OSBPL10: variants seen among roughly 807,000 people sequenced by gnomAD.
The protein encoded by OSBPL10 is oxysterol-binding protein-related protein 10.
Under a neutral mutation model 81.7 loss-of-function variants are expected in OSBPL10, and 49 were observed. The ratio of observed to expected loss-of-function variants is 0.60; its 90% CI spans 0.48 to 0.76. OSBPL10 has a LOEUF of 0.76. Among genes scored for constraint, OSBPL10 ranks in the 30% least tolerant of loss-of-function variants. The probability of loss-of-function intolerance (pLI) is 0.00; values close to 1 mark genes in which losing one functional copy is unlikely to be tolerated. For missense variants in OSBPL10, 923 were observed against 987.8 expected (o/e 0.93, Z 0.88); for synonymous variants, 419 against 383.6 (o/e 1.09, Z -1.08).
At chr3:32,067,611 C>T (rs952708006) in intron 1 of OSBPL10, among the ~76,000 whole-genome samples, 1 of 152,076 alleles carries the variant, frequency 6.6e-6, no homozygotes, top group African/African-American at 2.4e-5. Flanking sequence ...TTTGTTTCTG[C>T]CCCACCCTAA....
chr3:32,034,204 C>T (rs748989357), intron 2 of OSBPL10, among the ~76,000 whole-genome samples: 3 of 151,864 alleles, frequency 2.0e-5, no homozygotes, highest in African/African-American at 7.3e-5. Flanking sequence ...GTAGGGATTA[C>T]GGGGATTACA....
chr3:31,966,813 C>T (rs560392572), intron 1 of OSBPL10, among the ~76,000 whole-genome samples: 3 of 152,126 alleles, frequency 2.0e-5, no homozygotes, highest in African/African-American at 4.8e-5. Context: ...TTACTAAACA[C>T]GATATCTGGA....
chr3:31,727,125 A>G (rs79900978), intron 6 of OSBPL10, among the ~76,000 whole-genome samples: 14,796 of 152,032 alleles, frequency 0.097, 1,783 homozygotes, highest in African/African-American at 0.29. Flanking sequence ...AAGCCACCAT[A>G]CCCAGGCTTA....
chr3:32,020,098 A>G (rs886679547), intron 2 of OSBPL10, among the ~76,000 whole-genome samples: 5 of 152,210 alleles, frequency 3.3e-5, no homozygotes, highest in African/African-American at 1.2e-4. Flanking sequence ...TTGTTCTGAT[A>G]GTGAATTTTC....
At chr3:31,974,840 T>C (rs1698651989) in intron 1 of OSBPL10, among the ~76,000 whole-genome samples, 1 of 152,246 alleles carries the variant, frequency 6.6e-6, no homozygotes, top group Non-Finnish European at 1.5e-5. Flanking sequence ...ATATGATTTG[T>C]GTACTTTTCT....
rs1047992404 is a variant in OSBPL10, at chr3:31,664,114, G to C, written c.2215C>G (p.Arg739Gly). The C allele has an allele frequency of 1.5e-5, 24 of 1,613,986 alleles. No homozygotes were observed. The highest frequency in any genetic ancestry group is 2.0e-5 in the Non-Finnish European group (24 of 1,180,000). The change falls in exon 11 of 12, where the codon CGC (arginine) becomes GGC (glycine). Residue 739 changes from arginine (R) to glycine (G), a missense_variant. Physicochemically the swap from Arg to Gly is moderately radical, Grantham distance 125 (BLOSUM62 -2). This residue lies in a region of OSBPL10 where 387 missense variants were observed against 436.3 expected (regional missense o/e 0.89). Transcript: ENST00000396556. ...RVEERKRENL[R>G]TPWKPKYFIQ... is the part of the protein sequence containing the mutation. ...AAATATTTGGGCTTCCATGGTGTGCGGAGGTTCTCGCGCTTCCGTTCCTCC... is the reference window on the plus strand; with the variant it reads ...AAATATTTGGGCTTCCATGGTGTGCCGAGGTTCTCGCGCTTCCGTTCCTCC...
chr3:31,713,022 C>T (rs952832700), intron 6 of OSBPL10, among the ~76,000 whole-genome samples: 6 of 152,210 alleles, frequency 3.9e-5, no homozygotes, highest in Non-Finnish European at 7.3e-5. Flanking sequence ...CTGGCAAAGC[C>T]ACCGTCACCT....
intron 4 of OSBPL10, among the ~76,000 whole-genome samples, chr3:31,763,352 C>T (rs1450480049): frequency 6.6e-6 from 1 of 152,150 alleles, no homozygotes; most frequent in African/African-American, 2.4e-5. Flanking sequence ...TTTTCTCTGG[C>T]AGAACGTAAC....
At chr3:31,722,124 T>C (rs60851727) in intron 6 of OSBPL10, among the ~76,000 whole-genome samples, 13,183 of 150,956 alleles carry the variant, frequency 0.087, 1,372 homozygotes, top group African/African-American at 0.26. Flanking sequence ...TGCCACCCCC[T>C]CAAAATACCC....
chr3:31,835,481 C>T lies in OSBPL10; in HGVS notation c.538-5250G>A, dbSNP rs148558201. Among the ~76,000 whole-genome samples, 368 of 152,266 alleles carry T rather than the reference C, an allele frequency of 2.4e-3. 2 individuals are homozygous for T. The highest frequency in any genetic ancestry group is 8.2e-3 in the African/African-American group (341 of 41,572). ...AAGGGGGTTTAAGATTTCAAATAGA[C>T]ATTTGACACAACCACTTCTACTGTA... is the stretch of plus-strand genomic sequence containing the variant. On this transcript the variant is annotated intron_variant, in intron 3 of 11. Coordinates refer to ENST00000396556, the MANE Select transcript of OSBPL10 (RefSeq NM_017784.5).
At chr3:31,849,982 C>G (rs2125573935) in intron 3 of OSBPL10, among the ~76,000 whole-genome samples, 1 of 152,214 alleles carries the variant, frequency 6.6e-6, no homozygotes, top group African/African-American at 2.4e-5. Context: ...CTGGCCAACA[C>G]AGTGAAACCC....
chr3:31,945,077 G>A (rs1257685758), intron 1 of OSBPL10, among the ~76,000 whole-genome samples: 1 of 150,164 alleles, frequency 6.7e-6, no homozygotes, highest in East Asian at 1.9e-4. Context: ...CTTGAACCTG[G>A]GAGGCAGAGG....
chr3:32,026,073 A>AGAT (rs1458531016), intron 2 of OSBPL10, among the ~76,000 whole-genome samples: 25 of 102,564 alleles, frequency 2.4e-4, no homozygotes, highest in Non-Finnish European at 4.6e-4. Context: ...ATAGATAGAT[A>AGAT]GATAGATAGA....
At chr3:31,872,679 T>C (rs1701361163) in intron 3 of OSBPL10, among the ~76,000 whole-genome samples, 1 of 148,622 alleles carries the variant, frequency 6.7e-6, no homozygotes, top group African/African-American at 2.5e-5. Context: ...TGGAGTACAG[T>C]GGTGCAATCT....
intron 1 of OSBPL10, among the ~76,000 whole-genome samples, chr3:31,940,025 C>T (rs1697491018): frequency 6.6e-6 from 1 of 152,162 alleles, no homozygotes; most frequent in Non-Finnish European, 1.5e-5. Flanking sequence ...CCAGCCCACT[C>T]CATATATTCT....
chr3:32,002,522 A>C (rs547618818), intron 2 of OSBPL10, among the ~76,000 whole-genome samples: 1 of 152,288 alleles, frequency 6.6e-6, no homozygotes, highest in East Asian at 1.9e-4. Context: ...GGGAAGCAAT[A>C]AGATTATTAT....
intron 7 of OSBPL10, among the ~76,000 whole-genome samples, chr3:31,688,283 T>TCTCACACACACACA (rs1246299416): frequency 7.8e-5 from 9 of 115,484 alleles, no homozygotes; most frequent in East Asian, 2.8e-4. Context: ...TCTCTCTCTC[T>TCTCACACACACACA]CACACACACA....
chr3:31,861,856 G>A (rs759819554), intron 3 of OSBPL10, among the ~76,000 whole-genome samples: 4 of 152,166 alleles, frequency 2.6e-5, no homozygotes, highest in African/African-American at 4.8e-5. Flanking sequence ...GAGGGGTCAC[G>A]AAAGCCTCGT....
intron 3 of OSBPL10, among the ~76,000 whole-genome samples, chr3:31,830,564 T>C (rs1700214777): frequency 6.6e-6 from 1 of 152,146 alleles, no homozygotes; most frequent in Non-Finnish European, 1.5e-5. Context: ...TTATTTCCTG[T>C]TCCTAGAATG....
Sources: gnomAD v4.1 joint callset for allele counts (sites outside exome capture counted in the v4.1 genomes callset) on GRCh38, gnomAD v4.1.1 for gene constraint, gnomAD v4.1.1 regional missense constraint, MANE v1.5 for transcripts, NCBI Gene and HGNC (gene_info 2026-07-23, HGNC 2026-07-21) for gene names.